The following TPRN variants were observed in gnomAD, a reference collection of about 807,000 sequenced individuals.
TPRN encodes chromosome 9 open reading frame 75.
TPRN carries 32 observed loss-of-function variants against 42.6 expected under a neutral mutation model. The observed-to-expected ratio is 0.75, with a 90% CI of 0.57 to 1.01. TPRN has a LOEUF of 1.01. TPRN is among the 50% of genes least tolerant of loss of function. The pLI is 0.00. For missense variants in TPRN, 1,095 were observed against 957.5 expected, an observed-to-expected ratio of 1.14 and a Z score of -1.90; for synonymous variants, 541 against 445.6, an observed-to-expected ratio of 1.21 and a Z score of -2.70.
chr9:137,192,724 G>A, intron 1 of TPRN, 33 bp from the exon 2 acceptor site: 1 of 1,608,684 alleles, frequency 6.2e-7, no homozygotes, highest in Non-Finnish European at 8.5e-7. Context: ...CGAGGGCTGA[G>A]GGCCCACATG....
chr9:137,200,340 C>T lies in TPRN; in HGVS notation c.372G>A (p.Leu124=). ...CGCGGCCGGGCGGCGCCCCGTACAC[C>T]AGCACCTCGGCGGCGCGGATCTGCG... ...GAAQIRAAEV[L]VYGAPPGRVS... The change falls in exon 1 of 4, where the codon CTG becomes CTA. Residue 124 remains leucine (L), a synonymous_variant. Transcript: ENST00000409012. This position sits in a 1 kb window ranked among gnomAD's most constrained non-coding sequence, Gnocchi z 4.3. The T allele has an allele frequency of 2.9e-6, 3 of 1,031,496 alleles. No individual in the cohort carries two copies. Among genetic ancestry groups the T allele is most frequent in the Non-Finnish European group, 2.3e-6 (2 of 865,084 alleles). The allele number at this position is 1,031,496 out of a possible 1,614,324, so 63.9% of individuals were successfully genotyped here.
chr9:137,198,450 G>A (rs889994784), intron 1 of TPRN, among the ~76,000 whole-genome samples: 1 of 152,202 alleles, frequency 6.6e-6, no homozygotes, highest in Non-Finnish European at 1.5e-5. Context: ...GTGCCTTCTG[G>A]GGAGCTGATG....
chr9:137,192,269 A>G lies in TPRN; in HGVS notation c.2063T>C (p.Val688Ala). ...QAPREAEPPP[V>A]EAMLTPASQN... ...TCCCCCGCATCTCACCATGGCCTCC[A>G]CGGGCGGGGGCTCTGCCTCCCTCGG... The change falls in exon 3 of 4, where the codon GTG (valine) becomes GCG (alanine). Residue 688 changes from valine (V) to alanine (A), a missense_variant. Coordinates refer to ENST00000409012, the MANE Select transcript of TPRN (RefSeq NM_001128228.3). The G allele has an allele frequency of 6.2e-7, 1 of 1,613,036 alleles. No individual in the cohort carries two copies. The highest frequency in any genetic ancestry group is 8.5e-7 in the Non-Finnish European group (1 of 1,180,004).
intron 1 of TPRN, 79 bp from the exon 2 acceptor site, chr9:137,192,770 A>G (rs1834646890): frequency 1.3e-6 from 2 of 1,517,204 alleles, no homozygotes; most frequent in Admixed American, 1.7e-5. Context: ...TTCAGCCCTC[A>G]GGATGAGGCT....
At position 137,200,244 on chromosome 9, in the gene TPRN, G is replaced by T; in HGVS notation, c.468C>A (p.Arg156=). ...PRRRGSPERA[R]PPPPPPPPAP... is the part of the protein sequence containing the mutation. ...CGGGCGGCGGCGGCGGCGGCGGGGG[G>T]CGGGCGCGCTCGGGGCTCCCGCGGC... is the stretch of plus-strand genomic sequence containing the variant. The change falls in exon 1 of 4, where the codon CGC becomes CGA. Residue 156 remains arginine, a synonymous_variant. Transcript: ENST00000409012. The surrounding 1 kb of genome is among the most constrained non-coding windows in gnomAD (Gnocchi z 4.3). 8 of 972,674 alleles carry T rather than the reference G, an allele frequency of 8.2e-6. No homozygotes were observed. The highest frequency in any genetic ancestry group is 8.5e-6 in the Non-Finnish European group (7 of 822,462). The allele number at this position is 972,674 out of a possible 1,614,324, so 60.3% of individuals were successfully genotyped here. A position where few individuals can be genotyped will look rare whatever the true frequency, so the allele number is the denominator to read the frequency against.
chr9:137,199,296 T>C lies in TPRN; in HGVS notation c.1416A>G (p.Leu472=), dbSNP rs751378916. ...DSEEAPQAAK[L]PYLPHPARPL... The stretch of plus-strand genomic sequence containing the variant: ...GCCTGGCAGGGTGCGGGAGGTAGGG[T>C]AGTTTGGCTGCTTGGGGGGCCTCCT... Residue 472 remains leucine (L), a synonymous_variant, in exon 1 of 4, where the codon CTA becomes CTG. Transcript: ENST00000409012. 1.4e-5 allele frequency: 22 copies of C among 1,611,284 alleles called. No homozygotes were observed. Among genetic ancestry groups the C allele is most frequent in the Non-Finnish European group, 1.7e-6 (2 of 1,179,736 alleles).
In TPRN at chr9:137,200,516, C is replaced by T. The variant is rs866280635; in HGVS notation, c.196G>A (p.Ala66Thr). The change falls in exon 1 of 4, where the codon GCC becomes ACC. Residue 66 changes from alanine to threonine, a missense_variant. Transcript: ENST00000409012. The surrounding 1 kb of genome is among the most constrained non-coding windows in gnomAD (Gnocchi z 4.3). ...GCGCCCCCGCCGCGCCGCCGCTCGG[C>T]CTCCAGCAGCATGAACGGGTTCTCG... ...LRENPFMLLEAERRRGGGAAG... is the reference protein window; with the variant it reads ...LRENPFMLLETERRRGGGAAG... 2 of 1,168,164 alleles carry T rather than the reference C, an allele frequency of 1.7e-6. No homozygotes were observed. The highest frequency in any genetic ancestry group is 2.1e-6 in the Non-Finnish European group (2 of 943,928). 72.4% of individuals were successfully genotyped at this position (1,168,164 alleles called of 1,614,324 possible). A position where few individuals can be genotyped will look rare whatever the true frequency, so the allele number is the denominator to read the frequency against.
chr9:137,192,959 C>A (rs1437605306), intron 1 of TPRN: 2 of 531,946 alleles, frequency 3.8e-6, no homozygotes, highest in Admixed American at 6.4e-5. Flanking sequence ...GCCTCTGGGT[C>A]CCCAGAAGCC....
At chr9:137,194,478 A>G (rs1276199734) in intron 1 of TPRN, 1 of 152,426 alleles carries the variant, frequency 6.6e-6, no homozygotes, top group Non-Finnish European at 1.5e-5. Context: ...GAGCTAACCC[A>G]GATGACCCCG....
In TPRN at chr9:137,197,229, G is replaced by C. The variant is rs183948060; in HGVS notation, c.1725+1758C>G. On this transcript the variant is annotated intron_variant, in intron 1 of 3. Transcript: ENST00000409012. ...TTCTCCTGCCTCAGTCTCCTGAATA[G>C]CTGGGATTATAGGCGCCCGCCACCA... 5.7e-3 allele frequency among the ~76,000 whole-genome samples: 867 copies of C among 152,340 alleles called. 5 individuals carry two copies. Among genetic ancestry groups the C allele is most frequent in the African/African-American group, 0.02 (819 of 41,570 alleles).
intron 1 of TPRN, among the ~76,000 whole-genome samples, chr9:137,198,203 C>T (rs1355378310): frequency 1.3e-5 from 2 of 152,226 alleles, no homozygotes; most frequent in Non-Finnish European, 2.9e-5. Context: ...CACCGCAGAC[C>T]GGGAAGTCAC....
In TPRN at chr9:137,200,485, CCCGCCGCGCCCCCGCCGCGCCG is replaced by C; in HGVS notation, c.205_226del (p.Arg69GlyfsTer374). ...GCGGTACCGCTCCAGCAGCCGCGCCCCCGCCGCGCCCCCGCCGCGCCGCCGCTCGGCCTCCAGCAGCATGAAC... is the reference window on the plus strand; with the variant it reads ...GCGGTACCGCTCCAGCAGCCGCGCCCCCGCTCGGCCTCCAGCAGCATGAAC... On this transcript the variant is annotated frameshift_variant, in exon 1 of 4. Coordinates refer to ENST00000409012, the MANE Select transcript of TPRN (RefSeq NM_001128228.3). LOFTEE classifies it high-confidence loss of function. This position sits in a 1 kb window ranked among gnomAD's most constrained non-coding sequence, Gnocchi z 4.3. 1 of 1,128,804 alleles carries C rather than the reference CCCGCCGCGCCCCCGCCGCGCCG, an allele frequency of 8.9e-7. No individual in the cohort carries two copies. The highest frequency in any genetic ancestry group is 1.1e-6 in the Non-Finnish European group (1 of 922,346). 69.9% of individuals were successfully genotyped at this position (1,128,804 alleles called of 1,614,324 possible). A position where few individuals can be genotyped will look rare whatever the true frequency, so the allele number is the denominator to read the frequency against.
Position 137,192,562 on chromosome 9 carries a change from C to G in TPRN, c.1855G>C (p.Glu619Gln). 1 of 1,611,338 alleles carries G rather than the reference C, an allele frequency of 6.2e-7. No homozygotes were observed. Residue 619 changes from glutamate (E) to glutamine (Q), a missense_variant, in exon 2 of 4, where the codon GAG becomes CAG. Transcript: ENST00000409012. ...TCCTCTGAGCCGGATCCCTCTTCCT[C>G]CTCTTCCTCTTCCTCCTCCTCCTCC... ...EEEEEEEEEE[E>Q]EEGSGSEEKP...
chr9:137,196,673 A>G (rs768385343), intron 1 of TPRN, among the ~76,000 whole-genome samples: 2 of 152,184 alleles, frequency 1.3e-5, no homozygotes, highest in Non-Finnish European at 2.9e-5. Flanking sequence ...CACCCCCACC[A>G]GTGAGTGCTC....
chr9:137,198,905 G>C (rs919632021), intron 1 of TPRN, 82 bp downstream of exon 1: 82 of 1,602,666 alleles, frequency 5.1e-5, no homozygotes, highest in Non-Finnish European at 2.8e-5. Context: ...AGCGTCCTGG[G>C]ATCAGGGCAG....
At position 137,200,442 on chromosome 9, in the gene TPRN, GC is replaced by G; in HGVS notation, c.269del (p.Arg90ProfsTer360). ...LERYRRVPGV[R>X]ALRADSVLII... Reference sequence around the variant, plus strand: ...TGAGGACGCTGTCGGCGCGGAGGGCGCGCACGCCAGGCACGCGGCGGTACCG... The same window carrying G: ...TGAGGACGCTGTCGGCGCGGAGGGCGGCACGCCAGGCACGCGGCGGTACCG... On this transcript the variant is annotated frameshift_variant, in exon 1 of 4. Coordinates refer to ENST00000409012, the MANE Select transcript of TPRN (RefSeq NM_001128228.3). LOFTEE classifies it high-confidence loss of function. This position sits in a 1 kb window ranked among gnomAD's most constrained non-coding sequence, Gnocchi z 4.3. The G allele has an allele frequency of 8.9e-7, 1 of 1,121,400 alleles. No homozygotes were observed. Among genetic ancestry groups the G allele is most frequent in the South Asian group, 2.6e-5 (1 of 38,956 alleles). The allele number at this position is 1,121,400 out of a possible 1,614,324, so 69.5% of individuals were successfully genotyped here.
Position 137,200,307 on chromosome 9 carries a change from G to C in TPRN, c.405C>G (p.Arg135=), listed in dbSNP as rs908407040. 3.1e-5 allele frequency: 31 copies of C among 998,866 alleles called. No individual in the cohort carries two copies. The highest frequency in any genetic ancestry group is 3.7e-5 in the Non-Finnish European group (31 of 841,576). The allele number at this position is 998,866 out of a possible 1,614,324, so 61.9% of individuals were successfully genotyped here. A position where few individuals can be genotyped will look rare whatever the true frequency, so the allele number is the denominator to read the frequency against. ...VYGAPPGRVS[R]LLERFDPPAA... is the part of the protein sequence containing the mutation. ...CGGGCGGGTCGAACCTCTCCAGTAG[G>C]CGGCTGACGCGGCCGGGCGGCGCCC... is the stretch of plus-strand genomic sequence containing the variant. Residue 135 remains arginine (R), a synonymous_variant, in exon 1 of 4, where the codon CGC becomes CGG. Transcript: ENST00000409012. This position sits in a 1 kb window ranked among gnomAD's most constrained non-coding sequence, Gnocchi z 4.3.
Position 137,192,539 on chromosome 9 carries a change from C to G in TPRN, c.1878G>C (p.Glu626Asp), listed in dbSNP as rs766710424. 19 of 1,608,860 alleles carry G rather than the reference C, an allele frequency of 1.2e-5. No individual in the cohort carries two copies. The highest frequency in any genetic ancestry group is 1.7e-5 in the Admixed American group (1 of 59,296). ...EEEEEEGSGS[E>D]EKPFALFLPR... The stretch of plus-strand genomic sequence containing the variant: ...GCAGGAAGAGTGCAAAGGGCTTCTC[C>G]TCTGAGCCGGATCCCTCTTCCTCCT... The change falls in exon 2 of 4, where the codon GAG becomes GAC. Residue 626 changes from glutamate to aspartate, a missense_variant. Glu to Asp is a conservative substitution (Grantham distance 45). Coordinates refer to ENST00000409012, the MANE Select transcript of TPRN (RefSeq NM_001128228.3).
At chr9:137,196,530 C>T (rs1045604627) in intron 1 of TPRN, among the ~76,000 whole-genome samples, 3 of 152,106 alleles carry the variant, frequency 2.0e-5, no homozygotes, top group African/African-American at 7.2e-5. Context: ...GAAGTTTGCC[C>T]TGAGCCGGGA....
Sources: allele counts gnomAD v4.1 joint callset (sites outside exome capture counted in the v4.1 genomes callset), GRCh38; gene constraint gnomAD v4.1.1; non-coding constraint Gnocchi (gnomAD v3.1); transcripts MANE v1.5; gene names NCBI Gene and HGNC (gene_info 2026-07-23, HGNC 2026-07-21).